The following ABCC8 variants were observed in gnomAD, a reference collection of about 807,000 sequenced individuals.
The protein encoded by ABCC8 is ATP binding cassette subfamily C member 8.
In ABCC8, 137 loss-of-function variants were observed where a neutral mutation model predicts 188.0. That is an observed-to-expected ratio of 0.73 (90% CI 0.63 to 0.84). ABCC8 has a LOEUF of 0.84. Among genes scored for constraint, ABCC8 ranks in the 40% least tolerant of loss-of-function variants. The pLI is 0.00. For synonymous variants in ABCC8, 797 were observed against 846.5 expected, an observed-to-expected ratio of 0.94 and a Z score of 1.01; for missense variants, 1,750 against 2,072.7, an observed-to-expected ratio of 0.84 and a Z score of 3.02.
In ABCC8 at chr11:17,412,747, C is replaced by G; in HGVS notation, c.2476-1G>C. On this transcript the variant is annotated splice_acceptor_variant, in intron 20 of 38. Transcript: ENST00000389817. LOFTEE classifies it high-confidence loss of function. ...GTTGACCACCAGACAGGTTGATGCC[C>G]TGTCACCAAAGAGGAGGAACACATC... The G allele has an allele frequency of 6.2e-7, 1 of 1,607,578 alleles. No individual in the cohort carries two copies. The highest frequency in any genetic ancestry group is 8.5e-7 in the Non-Finnish European group (1 of 1,177,028).
In ABCC8 at chr11:17,448,133, A is replaced by G. The variant is rs993536191; in HGVS notation, c.1332+383T>C. On this transcript the variant is annotated intron_variant, in intron 8 of 38. Transcript: ENST00000389817. ...TTTCTTTCTTCTTTTTTTTTTCTGC[A>G]TAGAAGGGGTCTCACTGTGTTGCCC... 3.7e-5 allele frequency: 7 copies of G among 190,516 alleles called. 1 individual carries two copies. The Middle Eastern group carries it at 6.1e-3, about 167-fold the overall frequency. 11.8% of individuals were successfully genotyped at this position (190,516 alleles called of 1,614,324 possible). A position where few individuals can be genotyped will look rare whatever the true frequency, so the allele number is the denominator to read the frequency against.
intron 10 of ABCC8, among the ~76,000 whole-genome samples, chr11:17,433,954 CGTAA>C (rs1268086027): frequency 6.6e-6 from 1 of 152,144 alleles, no homozygotes. Flanking sequence ...CAGGAAACAG[CGTAA>C]GTATTATTGG....
At chr11:17,406,845 C>A in intron 25 of ABCC8, 43 bp downstream of exon 25, 1 of 1,614,138 alleles carries the variant, frequency 6.2e-7, no homozygotes, top group Non-Finnish European at 8.5e-7. Context: ...CAGCCCTTCC[C>A]CCATCCCCAC....
chr11:17,450,238 T>TTTTCTTTTTCTTTC (rs1208594964), intron 7 of ABCC8, among the ~76,000 whole-genome samples: 1 of 64,074 alleles, frequency 1.6e-5, no homozygotes, highest in Admixed American at 1.5e-4. Flanking sequence ...AACTCCTTTC[T>TTTTCTTTTTCTTTC]TTTCTTTTTC....
chr11:17,420,828 C>A (rs1488077737), intron 16 of ABCC8, among the ~76,000 whole-genome samples: 1 of 152,200 alleles, frequency 6.6e-6, no homozygotes, highest in East Asian at 1.9e-4. Context: ...AAGAATTTCA[C>A]CCGAGTGTAT....
In ABCC8 at chr11:17,407,454, C is replaced by T; in HGVS notation, c.2821-1G>A. The T allele has an allele frequency of 6.2e-7, 1 of 1,614,150 alleles. No homozygotes were observed. Among genetic ancestry groups the T allele is most frequent in the Non-Finnish European group, 8.5e-7 (1 of 1,180,038 alleles). On this transcript the variant is annotated splice_acceptor_variant, in intron 23 of 38. Transcript: ENST00000389817. LOFTEE classifies it high-confidence loss of function. ...TGGCTTTTCTCTCTGTGACAGTCTC[C>T]TAAAAGACAGATGTGGCCTGGGCAA...
At chr11:17,463,358 G>A (rs1847941237) in intron 4 of ABCC8, 80 bp downstream of exon 4, 1 of 1,210,280 alleles carries the variant, frequency 8.3e-7, no homozygotes, top group African/African-American at 1.5e-5. Flanking sequence ...TGAGAAGCAG[G>A]GTGGGGGCCT....
rs60229062 is a variant in ABCC8 at position 17,469,862 on chromosome 11, C to T, written c.412+239G>A. Among the ~76,000 whole-genome samples the T allele has an allele frequency of 0.015, 2,245 of 152,226 alleles. 63 individuals carry two copies. Among genetic ancestry groups the T allele is most frequent in the African/African-American group, 0.052 (2,140 of 41,530 alleles). On this transcript the variant is annotated intron_variant, in intron 3 of 38. Coordinates refer to ENST00000389817, the MANE Select transcript of ABCC8 (RefSeq NM_000352.6). ...ACATTGTCATTGCCCCTACCCCTTA[C>T]TCAGCTTGATTTTCTTCATAGCATC...
At chr11:17,441,171 T>G (rs1164676999) in intron 10 of ABCC8, among the ~76,000 whole-genome samples, 1 of 152,116 alleles carries the variant, frequency 6.6e-6, no homozygotes, top group Non-Finnish European at 1.5e-5. Flanking sequence ...AGAGATTTTT[T>G]TTCTCCTAGG....
chr11:17,462,485 A>G (rs1290831782), intron 4 of ABCC8, among the ~76,000 whole-genome samples: 1 of 152,242 alleles, frequency 6.6e-6, no homozygotes, highest in African/African-American at 2.4e-5. Context: ...CTGGAAGGCA[A>G]TATGTAACAC....
intron 3 of ABCC8, among the ~76,000 whole-genome samples, chr11:17,466,908 C>G (rs926937974): frequency 1.3e-5 from 2 of 152,144 alleles, no homozygotes; most frequent in African/African-American, 4.8e-5. Context: ...TCAAGCAATT[C>G]ACCTGCCTTG....
intron 5 of ABCC8, 62 bp downstream of exon 5, chr11:17,461,521 C>T: frequency 6.2e-7 from 1 of 1,604,492 alleles, no homozygotes; most frequent in Non-Finnish European, 8.5e-7. Context: ...CCTTTGAGGT[C>T]CCTCTCTGTG....
Position 17,397,184 on chromosome 11 carries a change from G to C in ABCC8, c.3988+9C>G, listed in dbSNP as rs370638277. On this transcript the variant is annotated intron_variant, in intron 32 of 38. Transcript: ENST00000389817. ...GACTCTTCCCCACCCCTCTCCCTGA[G>C]CCTCTCACCCAGGAGCCCCTCGTAG... is the stretch of plus-strand genomic sequence containing the variant. The C allele has an allele frequency of 1.9e-5, 31 of 1,613,348 alleles. No homozygotes were observed. The highest frequency in any genetic ancestry group is 2.6e-5 in the Non-Finnish European group (31 of 1,179,998).
rs551559975 is a variant in ABCC8 at position 17,409,865 on chromosome 11, G to A, written c.2694+651C>T. 3.3e-5 allele frequency among the ~76,000 whole-genome samples: 5 copies of A among 152,244 alleles called. No individual in the cohort carries two copies. In the South Asian group the frequency reaches 1.0e-3, roughly 32 times the overall value. ...AACATTGGACTCTACTGATAATATT[G>A]AAGTTTCTTTCTTTCTTTCTTTCCT... On this transcript the variant is annotated intron_variant, in intron 22 of 38. Coordinates refer to ENST00000389817, the MANE Select transcript of ABCC8 (RefSeq NM_000352.6).
At chr11:17,469,548 C>T (rs978409597) in intron 3 of ABCC8, among the ~76,000 whole-genome samples, 1 of 152,072 alleles carries the variant, frequency 6.6e-6, no homozygotes, top group Non-Finnish European at 1.5e-5. Flanking sequence ...TTTATCCCCA[C>T]CACAGCCCAC....
At chr11:17,467,497 G>C (rs1053408802) in intron 3 of ABCC8, among the ~76,000 whole-genome samples, 3 of 151,776 alleles carry the variant, frequency 2.0e-5, no homozygotes, top group Non-Finnish European at 4.4e-5. Context: ...TCTGCCTTGG[G>C]GCCTTTGCAC....
chr11:17,397,372 C>T, intron 31 of ABCC8, 59 bp from the exon 32 acceptor site: 2 of 1,601,376 alleles, frequency 1.2e-6, no homozygotes, highest in African/African-American at 1.3e-5. Flanking sequence ...TCCTCAGCCA[C>T]CAGAATGGCT....
intron 29 of ABCC8, chr11:17,399,222 G>A (rs1954099018): frequency 7.4e-6 from 1 of 134,560 alleles, no homozygotes; most frequent in Non-Finnish European, 1.5e-5. Context: ...GTTGCAGTGA[G>A]CCAAGATCAC....
At chr11:17,459,841 G>C (rs1251377391) in intron 6 of ABCC8, among the ~76,000 whole-genome samples, 3 of 152,228 alleles carry the variant, frequency 2.0e-5, no homozygotes, top group Non-Finnish European at 4.4e-5. Context: ...TCAGTTTGCA[G>C]AATCGTTACA....
Sources: gnomAD v4.1 joint callset for allele counts (sites outside exome capture counted in the v4.1 genomes callset) on GRCh38, gnomAD v4.1.1 for gene constraint, MANE v1.5 for transcripts, NCBI Gene and HGNC (gene_info 2026-07-23, HGNC 2026-07-21) for gene names.